The following EPCAM variants were observed in gnomAD, a reference collection of about 807,000 sequenced individuals.
EPCAM encodes adenocarcinoma-associated antigen.
EPCAM carries 39 observed loss-of-function variants against 40.0 expected under a neutral mutation model. The observed-to-expected ratio is 0.98, with a 90% CI of 0.76 to 1.27. EPCAM has a LOEUF of 1.27. Among genes scored for constraint, EPCAM ranks in the 50% most tolerant of loss-of-function variants. The pLI, the probability that EPCAM is intolerant of heterozygous loss-of-function variation, is 0.00. For synonymous variants in EPCAM, 168 were observed against 132.3 expected, an observed-to-expected ratio of 1.27 and a Z score of -1.85; for missense variants, 503 against 381.2, an observed-to-expected ratio of 1.32 and a Z score of -2.66.
At chr2:47,381,116 G>T (rs1377953809) in intron 7 of EPCAM, among the ~76,000 whole-genome samples, 2 of 124,588 alleles carry the variant, frequency 1.6e-5, no homozygotes, top group South Asian at 5.3e-4. Flanking sequence ...AAAAAAAAAG[G>T]CCAGGCACAG....
intron 4 of EPCAM, among the ~76,000 whole-genome samples, chr2:47,376,222 C>T (rs887267029): frequency 1.5e-4 from 23 of 150,580 alleles, no homozygotes; most frequent in Non-Finnish European, 1.9e-4. Flanking sequence ...TATATAATGT[C>T]CCTCAAATTT....
chr2:47,372,447 G>C (rs1671295348), intron 1 of EPCAM, among the ~76,000 whole-genome samples: 1 of 151,688 alleles, frequency 6.6e-6, no homozygotes, highest in Non-Finnish European at 1.5e-5. Context: ...AGACCAGCCT[G>C]ACCAACATGG....
In EPCAM at chr2:47,374,012, A is replaced by G. The variant is rs1671356578; in HGVS notation, c.389A>G (p.Asp130Gly). 3 of 1,614,100 alleles carry G rather than the reference A, an allele frequency of 1.9e-6. No individual in the cohort carries two copies. Among genetic ancestry groups the G allele is most frequent in the Non-Finnish European group, 2.5e-6 (3 of 1,180,054 alleles). ...GCTGGGGTCAGAAGAACAGACAAGG[A>G]CACTGAAATAACCTGCTCTGAGCGA... is the stretch of plus-strand genomic sequence containing the variant. ...NTAGVRRTDK[D>G]TEITCSERVR... Residue 130 changes from aspartate to glycine, a missense_variant, in exon 3 of 9, where the codon GAC becomes GGC. Coordinates refer to ENST00000263735, the MANE Select transcript of EPCAM (RefSeq NM_002354.3).
rs864622746 is a variant in EPCAM at position 47,373,817 on chromosome 2, A to G, written c.194A>G (p.Lys65Arg). 2 of 1,613,966 alleles carry G rather than the reference A, an allele frequency of 1.2e-6. No homozygotes were observed. The highest frequency in any genetic ancestry group is 1.7e-5 in the Admixed American group (1 of 59,972). ...NTVICSKLAA[K>R]CLVMKAEMNG... ...AAGGTTTCTTTTTCAGTGGCTGCCAAATGTTTGGTGATGAAGGCAGAAATG... is the reference window on the plus strand; with the variant it reads ...AAGGTTTCTTTTTCAGTGGCTGCCAGATGTTTGGTGATGAAGGCAGAAATG... Residue 65 changes from lysine to arginine, a missense_variant, in exon 3 of 9, where the codon AAA becomes AGA. Lys to Arg is a conservative substitution (Grantham distance 26, BLOSUM62 2). Coordinates refer to ENST00000263735, the MANE Select transcript of EPCAM (RefSeq NM_002354.3).
chr2:47,376,501 C>G (rs908144222), intron 4 of EPCAM, among the ~76,000 whole-genome samples: 1 of 152,132 alleles, frequency 6.6e-6, no homozygotes, highest in African/African-American at 2.4e-5. Flanking sequence ...CTCAGGTGAT[C>G]TGCCCACCTC....
chr2:47,369,436 C>T lies in EPCAM; in HGVS notation c.-70C>T, dbSNP rs1671155452. 2.2e-6 allele frequency: 3 copies of T among 1,333,472 alleles called. No individual in the cohort carries two copies. The highest frequency in any genetic ancestry group is 2.9e-6 in the Non-Finnish European group (3 of 1,031,418). 82.6% of individuals were successfully genotyped at this position (1,333,472 alleles called of 1,614,324 possible). A position where few individuals can be genotyped will look rare whatever the true frequency, so the allele number is the denominator to read the frequency against. Reference sequence around the variant, plus strand: ...GCTGCCCGGCCGGCTCCTCGTGTCCCACTCCCGGCGCACGCCCTCCCGCGA... The same window carrying T: ...GCTGCCCGGCCGGCTCCTCGTGTCCTACTCCCGGCGCACGCCCTCCCGCGA... On this transcript the variant is annotated 5_prime_UTR_variant, in exon 1 of 9. Transcript: ENST00000263735.
chr2:47,386,612 A>C lies in EPCAM; in HGVS notation c.944A>C (p.Ter315SerextTer12). The change falls in exon 9 of 9, where the codon TAA (stop) becomes TCA (serine). Residue 315 changes from the stop codon to serine, a stop_lost. Coordinates refer to ENST00000263735, the MANE Select transcript of EPCAM (RefSeq NM_002354.3). Reference protein sequence around the residue: ...MGEMHRELNA* With the variant: ...MGEMHRELNAS The stretch of plus-strand genomic sequence containing the variant: ...GAGATGCATAGGGAACTCAATGCAT[A>C]ACTATATAATTTGAAGATTATAGAA... 6.3e-7 allele frequency: 1 copy of C among 1,599,982 alleles called. No individual in the cohort carries two copies. Among genetic ancestry groups the C allele is most frequent in the Non-Finnish European group, 8.6e-7 (1 of 1,167,914 alleles).
At chr2:47,385,238 A>C in intron 8 of EPCAM, 28 bp downstream of exon 8, 1 of 1,589,456 alleles carries the variant, frequency 6.3e-7, no homozygotes, top group Admixed American at 1.7e-5. Flanking sequence ...CTAAATAGAA[A>C]GGCCCTGTTG....
Position 47,379,985 on chromosome 2 carries a change from G to C in EPCAM, c.858+16G>C, listed in dbSNP as rs751145659. 1 of 1,599,110 alleles carries C rather than the reference G, an allele frequency of 6.3e-7. No individual in the cohort carries two copies. The highest frequency in any genetic ancestry group is 8.5e-7 in the Non-Finnish European group (1 of 1,171,882). ...TGTTGTGCTGGTGAGTACAGAACAA[G>C]TAAAATTTCATTTAAGGGTATATTT... On this transcript the variant is annotated intron_variant, in intron 7 of 8. Coordinates refer to ENST00000263735, the MANE Select transcript of EPCAM (RefSeq NM_002354.3).
In EPCAM at chr2:47,386,617, T is replaced by C; in HGVS notation, c.*4T>C. On this transcript the variant is annotated 3_prime_UTR_variant, in exon 9 of 9. Transcript: ENST00000263735. The stretch of plus-strand genomic sequence containing the variant: ...GCATAGGGAACTCAATGCATAACTA[T>C]ATAATTTGAAGATTATAGAAGAAGG... The C allele has an allele frequency of 2.5e-6, 4 of 1,599,092 alleles. No individual in the cohort carries two copies. Among genetic ancestry groups the C allele is most frequent in the Non-Finnish European group, 3.4e-6 (4 of 1,167,192 alleles).
In EPCAM at chr2:47,377,459, A is replaced by C. The variant is rs899011475; in HGVS notation, c.555+382A>C. Among the ~76,000 whole-genome samples, 5 of 151,440 alleles carry C rather than the reference A, an allele frequency of 3.3e-5. No homozygotes were observed. In the East Asian group the frequency reaches 9.8e-4, roughly 30 times the overall value. Reference sequence around the variant, plus strand: ...GCTATGTTGGCCAGGCTGGTCTCGAACTCCTGGCCTCAAGTGATCTGTCTG... The same window carrying C: ...GCTATGTTGGCCAGGCTGGTCTCGACCTCCTGGCCTCAAGTGATCTGTCTG... On this transcript the variant is annotated intron_variant, in intron 5 of 8. Transcript: ENST00000263735.
chr2:47,372,260 C>T (rs72882765), intron 1 of EPCAM, among the ~76,000 whole-genome samples: 3,265 of 152,192 alleles, frequency 0.021, 139 homozygotes, highest in African/African-American at 0.075. Flanking sequence ...AAACATCCCT[C>T]ATTTAAGAAA....
At position 47,386,709 on chromosome 2, in the gene EPCAM, A is replaced by G; in HGVS notation, c.*96A>G. ...GACGAAGACATCTTTGAAGGTCATG[A>G]GTTTGTTAGTTTAACATCATATATT... On this transcript the variant is annotated 3_prime_UTR_variant, in exon 9 of 9. Transcript: ENST00000263735. 2 of 947,226 alleles carry G rather than the reference A, an allele frequency of 2.1e-6. No homozygotes were observed. The highest frequency in any genetic ancestry group is 3.4e-6 in the Non-Finnish European group (2 of 583,860). The allele number at this position is 947,226 out of a possible 1,614,324, so 58.7% of individuals were successfully genotyped here.
At chr2:47,375,208 A>C (rs375068308) in intron 3 of EPCAM, 26 bp from the exon 4 acceptor site, 2 of 1,523,372 alleles carry the variant, frequency 1.3e-6, no homozygotes, top group South Asian at 1.1e-5. Flanking sequence ...GTTATAGTCA[A>C]CTGACATTGT....
intron 8 of EPCAM, 42 bp downstream of exon 8, chr2:47,385,252 C>G (rs773796443): frequency 6.8e-7 from 1 of 1,479,554 alleles, no homozygotes; most frequent in Non-Finnish European, 9.5e-7. Flanking sequence ...CCTGTTGAAT[C>G]TCTTACTCCT....
intron 1 of EPCAM, among the ~76,000 whole-genome samples, chr2:47,370,075 CT>C (rs1671211202): frequency 6.6e-6 from 1 of 152,242 alleles, no homozygotes; most frequent in Non-Finnish European, 1.5e-5. Context: ...TCCAGGGCCG[CT>C]ATGCACCTGC....
chr2:47,372,630 G>C (rs1279512280), intron 1 of EPCAM, among the ~76,000 whole-genome samples: 1 of 152,126 alleles, frequency 6.6e-6, no homozygotes, highest in East Asian at 1.9e-4. Context: ...AAATTAGCCA[G>C]GTGTGGTGGC....
intron 2 of EPCAM, 50 bp from the exon 3 acceptor site, chr2:47,373,758 A>C (rs549066656): frequency 2.5e-6 from 4 of 1,610,848 alleles, no homozygotes; most frequent in African/African-American, 2.7e-5. Flanking sequence ...TTTTTCCCGT[A>C]ATCATGAAAT....
At chr2:47,378,010 A>G (rs1411094484) in intron 5 of EPCAM, among the ~76,000 whole-genome samples, 1 of 152,034 alleles carries the variant, frequency 6.6e-6, no homozygotes, top group Non-Finnish European at 1.5e-5. Context: ...AGGCAGGTGG[A>G]TCACAAGATC....
Sources: allele counts gnomAD v4.1 joint callset (sites outside exome capture counted in the v4.1 genomes callset), GRCh38; gene constraint gnomAD v4.1.1; transcripts MANE v1.5; gene names NCBI Gene and HGNC (gene_info 2026-07-23, HGNC 2026-07-21).